RPL3L: variants seen among roughly 807,000 people sequenced by gnomAD.
RPL3L encodes ribosomal protein L3 like.
RPL3L carries 44 observed loss-of-function variants against 44.5 expected under a neutral mutation model. That is an observed-to-expected ratio of 0.99 (90% CI 0.78 to 1.27). The LOEUF (loss-of-function observed/expected upper bound fraction) is 1.27, where lower values mean the gene tolerates loss of function less well. Ranked by LOEUF, RPL3L falls within the 50% of genes most tolerant of loss-of-function variation. The probability of loss-of-function intolerance (pLI) is 0.00; values close to 1 mark genes in which losing one functional copy is unlikely to be tolerated. For missense variants in RPL3L, 631 were observed against 569.1 expected (o/e 1.11, Z -1.11); for synonymous variants, 292 against 230.7 (o/e 1.27, Z -2.41).
Position 1,954,153 on chromosome 16 carries a change from G to T in RPL3L, c.4-5C>A. ...GGCGGAAAACTTCCGGTGGGACTGG[G>T]GGGCAGGAAGGAAGGAGGTCAGACC... On this transcript the variant is annotated splice_region_variant and splice_polypyrimidine_tract_variant and intron_variant, in intron 1 of 9. Transcript: ENST00000268661. The T allele has an allele frequency of 6.4e-7, 1 of 1,567,286 alleles. No homozygotes were observed. Among genetic ancestry groups the T allele is most frequent in the East Asian group, 2.3e-5 (1 of 43,580 alleles).
At chr16:1,945,353 TC>T in intron 9 of RPL3L, 145 bp downstream of exon 9, 1 of 735,402 alleles carries the variant, frequency 1.4e-6, no homozygotes, top group Non-Finnish European at 1.8e-6. Flanking sequence ...AGACTCCATC[TC>T]AAAAAATAAA....
chr16:1,946,521 G>A, intron 7 of RPL3L, 104 bp downstream of exon 7: 2 of 1,186,040 alleles, frequency 1.7e-6, no homozygotes, highest in South Asian at 1.4e-5. Flanking sequence ...CTGAGGCTGG[G>A]GCATGCCCCC....
Position 1,954,653 on chromosome 16 carries a change from A to G in RPL3L, c.-22T>C. 1 of 1,544,840 alleles carries G rather than the reference A, an allele frequency of 6.5e-7. No homozygotes were observed. Among genetic ancestry groups the G allele is most frequent in the Admixed American group, 1.9e-5 (1 of 51,934 alleles). The stretch of plus-strand genomic sequence containing the variant: ...CCATGGTGGCCGATCCCTGAAGGTC[A>G]GGAAGGGGCCTCGCCGCTAGCCGCC... On this transcript the variant is annotated 5_prime_UTR_variant, in exon 1 of 10. Transcript: ENST00000268661.
chr16:1,953,704 C>T (rs1389426644), intron 2 of RPL3L, among the ~76,000 whole-genome samples: 2 of 152,222 alleles, frequency 1.3e-5, no homozygotes, highest in African/African-American at 4.8e-5. Flanking sequence ...CTAGCTCCTG[C>T]GCTTACCGCC....
intron 7 of RPL3L, among the ~76,000 whole-genome samples, chr16:1,946,330 C>T (rs1290873443): frequency 6.6e-6 from 1 of 152,178 alleles, no homozygotes; most frequent in African/African-American, 2.4e-5. Context: ...AGAGGAGGCT[C>T]GGAGGATGTG....
chr16:1,945,664 A>T (rs765430331), intron 8 of RPL3L, 46 bp from the exon 9 acceptor site: 2 of 1,612,038 alleles, frequency 1.2e-6, no homozygotes, highest in Non-Finnish European at 1.7e-6. Context: ...GGGATCCCCC[A>T]CACCCTGCTG....
rs111557422 is a variant in RPL3L at position 1,945,122 on chromosome 16, G to A, written c.1168-229C>T. Among the ~76,000 whole-genome samples the A allele has an allele frequency of 2.9e-3, 448 of 152,152 alleles. 9 individuals are homozygous for A. Among genetic ancestry groups the A allele is most frequent in the African/African-American group, 0.01 (430 of 41,510 alleles). On this transcript the variant is annotated intron_variant, in intron 9 of 9. Transcript: ENST00000268661. ...TGTAATCCCAGCACTTTGGGAGGCCGAGGCGGTCGGATCATGAGGTCAGGA... is the reference window on the plus strand; with the variant it reads ...TGTAATCCCAGCACTTTGGGAGGCCAAGGCGGTCGGATCATGAGGTCAGGA...
Position 1,950,954 on chromosome 16 carries a change from T to C in RPL3L, c.391A>G (p.Thr131Ala), listed in dbSNP as rs1238554210. ...TCCCGCCACCTCTTGCAGGCCTTGG[T>C]GAAGGCTTTCTTCTTGCTCTTGTGC... is the stretch of plus-strand genomic sequence containing the variant. Reference protein sequence around the residue: ...DWHKSKKKAFTKACKRWRDTD... With the variant: ...DWHKSKKKAFAKACKRWRDTD... Residue 131 changes from threonine (T) to alanine (A), a missense_variant, in exon 4 of 10, where the codon ACC (threonine) becomes GCC (alanine). Transcript: ENST00000268661. The C allele has an allele frequency of 1.9e-6, 3 of 1,613,964 alleles. No homozygotes were observed. Among genetic ancestry groups the C allele is most frequent in the Non-Finnish European group, 2.5e-6 (3 of 1,179,940 alleles).
At position 1,946,610 on chromosome 16, in the gene RPL3L, C is replaced by G; in HGVS notation, c.951+15G>C. ...CGGTGTGATGGGCCTGGCAGTCGCC[C>G]CCTCCCAGCCTCACCAGCGGTGTGA... On this transcript the variant is annotated intron_variant, in intron 7 of 9. Transcript: ENST00000268661. 1.2e-6 allele frequency: 2 copies of G among 1,608,916 alleles called. No homozygotes were observed. The highest frequency in any genetic ancestry group is 1.7e-6 in the Non-Finnish European group (2 of 1,177,026).
At position 1,954,094 on chromosome 16, in the gene RPL3L, T is replaced by C; in HGVS notation, c.58A>G (p.Lys20Glu). The change falls in exon 2 of 10, where the codon AAG becomes GAG. Residue 20 changes from lysine to glutamate, a missense_variant. By Grantham distance (56) the Lys-to-Glu change is moderately conservative. Transcript: ENST00000268661. ...TTGCCCCGGTGCCGGTGGCTCCTCT[T>C]ATGGGGCAGGAAGCCCAGGTGTCCG... ...RHGHLGFLPHKRSHRHRGKVK... is the reference protein window; with the variant it reads ...RHGHLGFLPHERSHRHRGKVK... The C allele has an allele frequency of 6.2e-7, 1 of 1,602,896 alleles. No homozygotes were observed. Among genetic ancestry groups the C allele is most frequent in the East Asian group, 2.3e-5 (1 of 44,390 alleles).
At position 1,946,929 on chromosome 16, in the gene RPL3L, A is replaced by G; in HGVS notation, c.849+9T>C. On this transcript the variant is annotated intron_variant, in intron 6 of 9. Transcript: ENST00000268661. Reference sequence around the variant, plus strand: ...ACACAGTGTCCCCGTACCCCGGCTGAGGACGCACCTTCTTGTTGAGCTCCG... The same window carrying G: ...ACACAGTGTCCCCGTACCCCGGCTGGGGACGCACCTTCTTGTTGAGCTCCG... 1.3e-6 allele frequency: 2 copies of G among 1,594,076 alleles called. No homozygotes were observed. The highest frequency in any genetic ancestry group is 1.7e-6 in the Non-Finnish European group (2 of 1,169,672).
At chr16:1,950,368 C>G (rs1343126000) in intron 4 of RPL3L, among the ~76,000 whole-genome samples, 5 of 151,752 alleles carry the variant, frequency 3.3e-5, no homozygotes, top group Admixed American at 3.3e-4. Flanking sequence ...AGTGTGGGGG[C>G]TGTGGGAAGC....
chr16:1,947,123 T>C (rs2083128410), intron 5 of RPL3L, 25 bp from the exon 6 acceptor site: 1 of 1,613,222 alleles, frequency 6.2e-7, no homozygotes, highest in East Asian at 2.2e-5. Flanking sequence ...GGCTGGTGGC[T>C]GAGAGGCCAG....
chr16:1,954,068 C>A lies in RPL3L; in HGVS notation c.84G>T (p.Lys28Asn). 6.2e-7 allele frequency: 1 copy of A among 1,606,106 alleles called. No homozygotes were observed. Among genetic ancestry groups the A allele is most frequent in the Non-Finnish European group, 8.5e-7 (1 of 1,177,202 alleles). The change falls in exon 2 of 10, where the codon AAG (lysine) becomes AAT (asparagine). Residue 28 changes from lysine to asparagine, a missense_variant. By Grantham distance (94) the Lys-to-Asn change is moderately conservative (BLOSUM62 0). Transcript: ENST00000268661. The stretch of plus-strand genomic sequence containing the variant: ...GGTCATCCCGCGGCCACGTCTTCAC[C>A]TTGCCCCGGTGCCGGTGGCTCCTCT... The part of the protein sequence containing the change: ...PHKRSHRHRG[K>N]VKTWPRDDPS...
chr16:1,954,044 G>C lies in RPL3L; in HGVS notation c.108C>G (p.Asp36Glu), dbSNP rs528602679. The C allele has an allele frequency of 1.9e-6, 3 of 1,608,012 alleles. No homozygotes were observed. The African/African-American group carries it at 4.0e-5, about 21-fold the overall frequency. Residue 36 changes from aspartate to glutamate, a missense_variant, in exon 2 of 10, where the codon GAC (aspartate) becomes GAG (glutamate). By Grantham distance (45) the Asp-to-Glu change is conservative. Coordinates refer to ENST00000268661, the MANE Select transcript of RPL3L (RefSeq NM_005061.3). ...RGKVKTWPRD[D>E]PSQPVHLTAF... ...CCGTGAGGTGCACGGGCTGGCTGGG[G>C]TCATCCCGCGGCCACGTCTTCACCT...
intron 2 of RPL3L, among the ~76,000 whole-genome samples, chr16:1,953,523 A>G (rs2083185878): frequency 6.6e-6 from 1 of 152,218 alleles, no homozygotes; most frequent in Non-Finnish European, 1.5e-5. Context: ...CCCGGCCTGC[A>G]TTATTTCTTA....
At chr16:1,946,167 G>C (rs1304354967) in intron 7 of RPL3L, among the ~76,000 whole-genome samples, 1 of 152,236 alleles carries the variant, frequency 6.6e-6, no homozygotes, top group African/African-American at 2.4e-5. Context: ...GGGGGAGACT[G>C]AGGATCAGAG....
rs1379548026 is a variant in RPL3L, at chr16:1,953,940, C to T, written c.196+16G>A. 5 of 1,504,612 alleles carry T rather than the reference C, an allele frequency of 3.3e-6. No homozygotes were observed. Among genetic ancestry groups the T allele is most frequent in the Non-Finnish European group, 2.7e-6 (3 of 1,121,102 alleles). The allele number at this position is 1,504,612 out of a possible 1,614,324, so 93.2% of individuals were successfully genotyped here. A position where few individuals can be genotyped will look rare whatever the true frequency, so the allele number is the denominator to read the frequency against. On this transcript the variant is annotated intron_variant, in intron 2 of 9. Transcript: ENST00000268661. ...TCAGCCCTCCCCCTCCCCCAAGGGT[C>T]CCAACTGTGACTCACTGAGCCCCGG...
chr16:1,954,311 A>G (rs1283596591), intron 1 of RPL3L, among the ~76,000 whole-genome samples, 163 bp from the exon 2 acceptor site: 1 of 152,128 alleles, frequency 6.6e-6, no homozygotes, highest in Non-Finnish European at 1.5e-5. Flanking sequence ...AAGGTTCACC[A>G]AGGGGCAGCG....
Sources: gnomAD v4.1 joint callset for allele counts (sites outside exome capture counted in the v4.1 genomes callset) on GRCh38, gnomAD v4.1.1 for gene constraint, MANE v1.5 for transcripts, NCBI Gene and HGNC (gene_info 2026-07-23, HGNC 2026-07-21) for gene names.